The following MNAT1 variants were observed in gnomAD, a reference collection of about 807,000 sequenced individuals.
MNAT1 encodes CDK-activating kinase assembly factor MAT1.
Under a neutral mutation model 42.0 loss-of-function variants are expected in MNAT1, and 43 were observed. The observed-to-expected ratio is 1.02, with a 90% CI of 0.80 to 1.32. The LOEUF (loss-of-function observed/expected upper bound fraction) is 1.32, where lower values mean the gene tolerates loss of function less well. Ranked by LOEUF, MNAT1 falls within the 40% of genes most tolerant of loss-of-function variation. MNAT1 has a pLI of 0.00. For synonymous variants in MNAT1, 118 were observed against 120.0 expected, an observed-to-expected ratio of 0.98 and a Z score of 0.11; for missense variants, 306 against 350.4, an observed-to-expected ratio of 0.87 and a Z score of 1.01.
intron 7 of MNAT1, among the ~76,000 whole-genome samples, chr14:60,941,689 T>C (rs991493999): frequency 6.6e-6 from 1 of 151,098 alleles, no homozygotes; most frequent in Non-Finnish European, 1.5e-5. Flanking sequence ...GCAATAGAGT[T>C]AGACCCTGTT....
rs769673795 is a variant in MNAT1, at chr14:60,799,700, AT to A, written c.316+1541del. ...TTCTGACTGAGCTATGATTAAAAAA[AT>A]ATATATATATATATACACACACACA... On this transcript the variant is annotated intron_variant, in intron 3 of 7. Coordinates refer to ENST00000261245, the MANE Select transcript of MNAT1 (RefSeq NM_002431.4). 1.5e-3 allele frequency among the ~76,000 whole-genome samples: 218 copies of A among 145,434 alleles called. 1 individual carries two copies. The highest frequency in any genetic ancestry group is 0.014 in the South Asian group (63 of 4,626).
At chr14:60,956,849 A>T (rs1382562014) in intron 7 of MNAT1, among the ~76,000 whole-genome samples, 7 of 152,122 alleles carry the variant, frequency 4.6e-5, no homozygotes, top group Admixed American at 3.9e-4. Context: ...TACATGGAGT[A>T]TCTTCACTTT....
intron 1 of MNAT1, among the ~76,000 whole-genome samples, chr14:60,753,332 AAAAAC>A (rs886098828): frequency 3.7e-4 from 57 of 152,320 alleles, no homozygotes; most frequent in African/African-American, 1.3e-3. Flanking sequence ...GTGGATTTCA[AAAAAC>A]AAAACAAATA....
At chr14:60,956,102 GA>G (rs1285571532) in intron 7 of MNAT1, among the ~76,000 whole-genome samples, 1 of 151,672 alleles carries the variant, frequency 6.6e-6, no homozygotes, top group Non-Finnish European at 1.5e-5. Flanking sequence ...GGTTATTTGA[GA>G]TTTTTTTTCT....
intron 7 of MNAT1, among the ~76,000 whole-genome samples, chr14:60,909,137 G>A (rs961706005): frequency 6.6e-6 from 1 of 152,182 alleles, no homozygotes; most frequent in African/African-American, 2.4e-5. Context: ...AGAAGTGTGT[G>A]TTCATATCCT....
intron 7 of MNAT1, among the ~76,000 whole-genome samples, chr14:60,895,826 G>C (rs1012080061): frequency 6.6e-6 from 1 of 152,090 alleles, no homozygotes; most frequent in Non-Finnish European, 1.5e-5. Context: ...CAATATCTGC[G>C]TTGAAACTAT....
chr14:60,803,950 T>C (rs2032289170), intron 3 of MNAT1, among the ~76,000 whole-genome samples: 1 of 152,216 alleles, frequency 6.6e-6, no homozygotes, highest in South Asian at 2.1e-4. Context: ...ATACATAAAA[T>C]TCTTGTTCCT....
chr14:60,912,078 G>A (rs2035383949), intron 7 of MNAT1, among the ~76,000 whole-genome samples: 1 of 151,642 alleles, frequency 6.6e-6, no homozygotes, highest in South Asian at 2.1e-4. Context: ...TTATGTAATG[G>A]CCTTCTTTGT....
In MNAT1 at chr14:60,739,264, A is replaced by C. The variant is rs1448399961; in HGVS notation, c.89+4313A>C. Among the ~76,000 whole-genome samples the C allele has an allele frequency of 2.0e-5, 3 of 152,180 alleles. No homozygotes were observed. The East Asian group carries it at 5.8e-4, about 29-fold the overall frequency. ...TAAAACCTAATGATAGAAGTGATAT[A>C]CCATCACCTCTGGTGTTTTGTAGTG... On this transcript the variant is annotated intron_variant, in intron 1 of 7. Coordinates refer to ENST00000261245, the MANE Select transcript of MNAT1 (RefSeq NM_002431.4).
In MNAT1 at chr14:60,811,971, T is replaced by C; in HGVS notation, c.421-16T>C. ...TCCTAAATTTATTCCACGCCATATA[T>C]AAATTTTTGTTTTAGACTCGAGAAC... On this transcript the variant is annotated splice_polypyrimidine_tract_variant and intron_variant, in intron 4 of 7. Coordinates refer to ENST00000261245, the MANE Select transcript of MNAT1 (RefSeq NM_002431.4). 1.3e-6 allele frequency: 2 copies of C among 1,552,534 alleles called. No homozygotes were observed. The highest frequency in any genetic ancestry group is 2.3e-5 in the East Asian group (1 of 43,968).
intron 3 of MNAT1, among the ~76,000 whole-genome samples, chr14:60,799,034 TAATA>T (rs2032115196): frequency 6.6e-6 from 1 of 152,214 alleles, no homozygotes; most frequent in Non-Finnish European, 1.5e-5. Context: ...TCCTGAGGAA[TAATA>T]AATATTCTAA....
chr14:60,804,620 G>T (rs1455848880), intron 3 of MNAT1, among the ~76,000 whole-genome samples: 1 of 151,796 alleles, frequency 6.6e-6, no homozygotes, highest in East Asian at 1.9e-4. Flanking sequence ...GAAACTCCTG[G>T]GCTCAAATGA....
intron 3 of MNAT1, among the ~76,000 whole-genome samples, chr14:60,803,234 G>A (rs993675866): frequency 2.0e-5 from 3 of 151,958 alleles, no homozygotes; most frequent in African/African-American, 7.3e-5. Flanking sequence ...CGCACCCAGC[G>A]AAAACTTCCT....
chr14:60,826,110 C>A (rs1264510799), intron 6 of MNAT1, among the ~76,000 whole-genome samples: 1 of 152,048 alleles, frequency 6.6e-6, no homozygotes, highest in African/African-American at 2.4e-5. Context: ...AGGGTTCAGT[C>A]AGTCAGTGAA....
At chr14:60,922,465 G>C (rs1339174393) in intron 7 of MNAT1, among the ~76,000 whole-genome samples, 1 of 152,018 alleles carries the variant, frequency 6.6e-6, no homozygotes, top group African/African-American at 2.4e-5. Flanking sequence ...AAATTGATTT[G>C]GAACAATAAA....
chr14:60,939,348 T>C lies in MNAT1; in HGVS notation c.810-28881T>C, dbSNP rs140898936. ...TAAGATGTGAATTTTAGATCTTTCCTCCTTTCTCTTGTGGGCATTTAGTCC... is the reference window on the plus strand; with the variant it reads ...TAAGATGTGAATTTTAGATCTTTCCCCCTTTCTCTTGTGGGCATTTAGTCC... On this transcript the variant is annotated intron_variant, in intron 7 of 7. Coordinates refer to ENST00000261245, the MANE Select transcript of MNAT1 (RefSeq NM_002431.4). Among the ~76,000 whole-genome samples, 166 of 152,316 alleles carry C rather than the reference T, an allele frequency of 1.1e-3. No homozygotes were observed. The East Asian group carries it at 0.023, about 21-fold the overall frequency.
At chr14:60,876,480 T>G (rs185552224) in intron 6 of MNAT1, among the ~76,000 whole-genome samples, 1 of 152,056 alleles carries the variant, frequency 6.6e-6, no homozygotes, top group East Asian at 1.9e-4. Context: ...TCTGTGACAT[T>G]AAGTACATCC....
At chr14:60,752,254 G>A (rs182947646) in intron 1 of MNAT1, among the ~76,000 whole-genome samples, 67 of 152,294 alleles carry the variant, frequency 4.4e-4, no homozygotes, top group African/African-American at 1.5e-3. Context: ...TATGAAGTAT[G>A]ACATGCCAGA....
chr14:60,870,236 A>G (rs1440107099), intron 6 of MNAT1, among the ~76,000 whole-genome samples: 1 of 152,074 alleles, frequency 6.6e-6, no homozygotes, highest in Non-Finnish European at 1.5e-5. Context: ...TCTAAGCTAT[A>G]TTTTAGAAAA....
Sources: allele counts gnomAD v4.1 joint callset (sites outside exome capture counted in the v4.1 genomes callset), GRCh38; gene constraint gnomAD v4.1.1; transcripts MANE v1.5; gene names NCBI Gene and HGNC (gene_info 2026-07-23, HGNC 2026-07-21).